CPT1A: variants seen among roughly 807,000 people sequenced by gnomAD.
CPT1A encodes the protein carnitine palmitoyltransferase 1A.
CPT1A carries 64 observed loss-of-function variants against 100.8 expected under a neutral mutation model. The observed-to-expected ratio is 0.63, with a 90% confidence interval of 0.52 to 0.78. The LOEUF (loss-of-function observed/expected upper bound fraction) is 0.78, where lower values mean the gene tolerates loss of function less well. Ranked by LOEUF, CPT1A falls within the 30% of genes least tolerant of loss-of-function variation. CPT1A has a pLI of 0.00. For missense variants in CPT1A, 802 were observed against 1,034.1 expected (o/e 0.78, Z 3.08); for synonymous variants, 363 against 396.0 (o/e 0.92, Z 0.99).
intron 14 of CPT1A, among the ~76,000 whole-genome samples, chr11:68,767,254 C>T (rs1854834522): frequency 6.6e-6 from 1 of 152,242 alleles, no homozygotes; most frequent in Non-Finnish European, 1.5e-5. Flanking sequence ...TTGTAAGAAA[C>T]ACCTGACTTT....
At chr11:68,781,482 T>C (rs1855309942) in intron 11 of CPT1A, among the ~76,000 whole-genome samples, 1 of 152,054 alleles carries the variant, frequency 6.6e-6, no homozygotes, top group Non-Finnish European at 1.5e-5. Context: ...TAGCCAGGCG[T>C]GGTGGCACAC....
At chr11:68,796,546 A>T (rs962450875) in intron 7 of CPT1A, among the ~76,000 whole-genome samples, 38 of 152,010 alleles carry the variant, frequency 2.5e-4, no homozygotes, top group African/African-American at 9.2e-4. Flanking sequence ...ACAAGAGCAA[A>T]GCTCCATCTC....
intron 9 of CPT1A, among the ~76,000 whole-genome samples, chr11:68,786,530 C>T (rs577849165): frequency 1.3e-5 from 2 of 152,244 alleles, no homozygotes; most frequent in East Asian, 3.9e-4. Context: ...ATATTATGCC[C>T]GATCTCATGT....
intron 3 of CPT1A, among the ~76,000 whole-genome samples, chr11:68,808,818 TA>T (rs1856119093): frequency 6.6e-6 from 1 of 151,764 alleles, no homozygotes; most frequent in South Asian, 2.1e-4. Context: ...TGAAAAGCAC[TA>T]ATTTGGCCAG....
At chr11:68,798,226 C>G (rs532332379) in intron 6 of CPT1A, among the ~76,000 whole-genome samples, 50 of 152,316 alleles carry the variant, frequency 3.3e-4, no homozygotes, top group African/African-American at 1.2e-3. Flanking sequence ...TTCCTTTCAG[C>G]TTTGTGCTGA....
chr11:68,796,818 C>T lies in CPT1A; in HGVS notation c.771+38G>A, dbSNP rs756957720. ...TCTGTGGACAGACCCGCCGCCCCAC[C>T]GTCCTCGTCAGACAGCAGCCCGGGC... On this transcript the variant is annotated intron_variant, in intron 7 of 18. Coordinates refer to ENST00000265641, the MANE Select transcript of CPT1A (RefSeq NM_001876.4). 14 of 1,603,662 alleles carry T rather than the reference C, an allele frequency of 8.7e-6. No homozygotes were observed. The East Asian group carries it at 2.5e-4, about 28-fold the overall frequency.
intron 1 of CPT1A, among the ~76,000 whole-genome samples, chr11:68,830,516 C>A (rs1161527539): frequency 2.6e-5 from 4 of 152,214 alleles, no homozygotes; most frequent in Non-Finnish European, 5.9e-5. Flanking sequence ...GCTCTCGGAA[C>A]CACACAGAGA....
Position 68,775,393 on chromosome 11 carries a change from C to T in CPT1A, c.1498G>A (p.Glu500Lys). The T allele has an allele frequency of 6.2e-7, 1 of 1,614,234 alleles. No homozygotes were observed. The highest frequency in any genetic ancestry group is 8.5e-7 in the Non-Finnish European group (1 of 1,180,038). The stretch of plus-strand genomic sequence containing the variant: ...ATGTCGCCTTTGCAGTGCCCATCCT[C>T]CGCATAGCCCAGCTGGAGGCTGTCA... ...SIDSLQLGYA[E>K]DGHCKGDINP... is the part of the protein sequence containing the mutation. The change falls in exon 13 of 19, where the codon GAG becomes AAG. Residue 500 changes from glutamate (E) to lysine (K), a missense_variant. By Grantham distance (56) the Glu-to-Lys change is moderately conservative. This residue lies in a region of CPT1A where 627 missense variants were observed against 799.3 expected (regional missense o/e 0.78). Transcript: ENST00000265641.
chr11:68,799,277 C>T lies in CPT1A; in HGVS notation c.634G>A (p.Gly212Ser), dbSNP rs141191480. 31 of 1,613,838 alleles carry T rather than the reference C, an allele frequency of 1.9e-5. No individual in the cohort carries two copies. The highest frequency in any genetic ancestry group is 5.3e-5 in the African/African-American group (4 of 74,862). Residue 212 changes from glycine (G) to serine (S), a missense_variant, in exon 6 of 19, where the codon GGT (glycine) becomes AGT (serine). Coordinates refer to ENST00000265641, the MANE Select transcript of CPT1A (RefSeq NM_001876.4). Reference protein sequence around the residue: ...MTALAQDFAVGLGPRLQWYLK... With the variant: ...MTALAQDFAVSLGPRLQWYLK... ...TACCACTGTAATCTTGGTCCAAGACCGACAGCAAAATCTTGAGCAAGTGCT... is the reference window on the plus strand; with the variant it reads ...TACCACTGTAATCTTGGTCCAAGACTGACAGCAAAATCTTGAGCAAGTGCT...
In CPT1A at chr11:68,841,556, C is replaced by G. The variant is rs1404875529; in HGVS notation, c.-14+219G>C. Among the ~76,000 whole-genome samples, 1 of 152,208 alleles carries G rather than the reference C, an allele frequency of 6.6e-6. No individual in the cohort carries two copies. The highest frequency in any genetic ancestry group is 1.9e-4 in the East Asian group (1 of 5,180). ...CCCCCGGTGGACCCTCAGACCCAAT[C>G]CCCTGGGGAACATGGGGAGCCCCGG... On this transcript the variant is annotated intron_variant, in intron 1 of 18. Transcript: ENST00000265641. This position sits in a 1 kb window ranked among gnomAD's most constrained non-coding sequence, Gnocchi z 6.3.
intron 6 of CPT1A, among the ~76,000 whole-genome samples, chr11:68,798,457 C>A (rs766891886): frequency 8.5e-5 from 13 of 152,154 alleles, no homozygotes; most frequent in African/African-American, 3.1e-4. Context: ...CCTTCTCTTC[C>A]GTGTTAGTTG....
chr11:68,785,422 G>A (rs1171483901), intron 9 of CPT1A, among the ~76,000 whole-genome samples: 1 of 151,790 alleles, frequency 6.6e-6, no homozygotes, highest in Non-Finnish European at 1.5e-5. Flanking sequence ...TTAGCCAGGT[G>A]TGGTGACATG....
chr11:68,772,428 T>C (rs1855016235), intron 14 of CPT1A, among the ~76,000 whole-genome samples: 1 of 152,150 alleles, frequency 6.6e-6, no homozygotes, highest in African/African-American at 2.4e-5. Flanking sequence ...GGGCCCCCTG[T>C]CTGGGATGGA....
chr11:68,767,064 C>T (rs994648743), intron 14 of CPT1A, among the ~76,000 whole-genome samples: 15 of 152,200 alleles, frequency 9.9e-5, no homozygotes, highest in Admixed American at 9.8e-4. Context: ...GAACGCTTCA[C>T]TGATGAACAC....
chr11:68,814,041 G>A lies in CPT1A; in HGVS notation c.141+1293C>T, dbSNP rs890198949. On this transcript the variant is annotated intron_variant, in intron 2 of 18. Coordinates refer to ENST00000265641, the MANE Select transcript of CPT1A (RefSeq NM_001876.4). ...GTGCCGCCCTCGGAGAAGGAGCACC[G>A]GGAAGTGCACAAACTGAACTGAGTT... Among the ~76,000 whole-genome samples the A allele has an allele frequency of 1.3e-4, 20 of 152,082 alleles. No individual in the cohort carries two copies. The East Asian group carries it at 2.1e-3, about 16-fold the overall frequency.
intron 4 of CPT1A, among the ~76,000 whole-genome samples, chr11:68,805,612 C>T (rs1344143230): frequency 6.6e-6 from 1 of 152,102 alleles, no homozygotes; most frequent in Non-Finnish European, 1.5e-5. Context: ...GGCGACCAAG[C>T]AGAAGGGCAC....
intron 1 of CPT1A, among the ~76,000 whole-genome samples, chr11:68,836,537 G>C (rs1171581737): frequency 6.6e-6 from 1 of 151,912 alleles, no homozygotes; most frequent in Non-Finnish European, 1.5e-5. Flanking sequence ...CTTTGGGAGG[G>C]TGAGTCAGGC....
intron 14 of CPT1A, among the ~76,000 whole-genome samples, chr11:68,769,466 G>A (rs550096816): frequency 1.3e-5 from 2 of 149,766 alleles, no homozygotes; most frequent in African/African-American, 4.9e-5. Flanking sequence ...GCCCAGTCTG[G>A]TCTCAAACTC....
intron 18 of CPT1A, among the ~76,000 whole-genome samples, chr11:68,758,418 G>A (rs1946735320): frequency 6.6e-6 from 1 of 152,178 alleles, no homozygotes; most frequent in Admixed American, 6.5e-5. Flanking sequence ...ATGCTAGGGA[G>A]GAGGTCCCTT....
Sources: gnomAD v4.1 joint callset for allele counts (sites outside exome capture counted in the v4.1 genomes callset) on GRCh38, gnomAD v4.1.1 for gene constraint, gnomAD v4.1.1 regional missense constraint, Gnocchi (gnomAD v3.1) non-coding constraint, MANE v1.5 for transcripts, NCBI Gene and HGNC (gene_info 2026-07-23, HGNC 2026-07-21) for gene names.